The following ARB2A variants were observed in gnomAD, a reference collection of about 807,000 sequenced individuals.
ARB2A encodes the protein ARB2 cotranscriptional regulator A.
At chr5:93,693,883 C>T in the ARB2A span, among the ~76,000 whole-genome samples, 3 of 151,902 alleles carry the variant, frequency 2.0e-5, no homozygotes, top group African/African-American at 7.3e-5. Flanking sequence ...AAGGCTGGTT[C>T]AATAGACGCA....
At chr5:94,000,131 T>C in the ARB2A span, among the ~76,000 whole-genome samples, 8 of 152,128 alleles carry the variant, frequency 5.3e-5, no homozygotes, top group African/African-American at 1.9e-4. Flanking sequence ...TAAACATCCA[T>C]GTGCAGGTTT....
At chr5:93,680,387 T>A in the ARB2A span, among the ~76,000 whole-genome samples, 9 of 152,034 alleles carry the variant, frequency 5.9e-5, no homozygotes, top group Middle Eastern at 6.8e-3. Context: ...AGAAACAGAG[T>A]CTCAGAGAAC....
the ARB2A span, among the ~76,000 whole-genome samples, chr5:94,022,644 T>C: frequency 6.6e-6 from 1 of 152,250 alleles, no homozygotes; most frequent in Non-Finnish European, 1.5e-5. Context: ...TGTTCAGTTA[T>C]ACCTGTTATA....
chr5:93,813,276 G>C, the ARB2A span, among the ~76,000 whole-genome samples: 1 of 152,176 alleles, frequency 6.6e-6, no homozygotes, highest in South Asian at 2.1e-4. Flanking sequence ...CAAAGAACTT[G>C]GCTGAATTGT....
the ARB2A span, among the ~76,000 whole-genome samples, chr5:93,772,788 G>A: frequency 6.6e-6 from 1 of 152,128 alleles, no homozygotes; most frequent in East Asian, 1.9e-4. Flanking sequence ...CTTGCCATGT[G>A]GGCCTCTCCA....
At chr5:94,094,232 A>T in the ARB2A span, among the ~76,000 whole-genome samples, 2 of 152,340 alleles carry the variant, frequency 1.3e-5, no homozygotes, top group East Asian at 3.9e-4. Flanking sequence ...TAGAAGTCCT[A>T]CATCAAGGTC....
At chr5:93,788,589 C>T in the ARB2A span, among the ~76,000 whole-genome samples, 1 of 152,198 alleles carries the variant, frequency 6.6e-6, no homozygotes. Flanking sequence ...CCTTTTTGTG[C>T]TTAAAAACTG....
chr5:93,859,702 C>T, the ARB2A span, among the ~76,000 whole-genome samples: 134 of 152,082 alleles, frequency 8.8e-4, no homozygotes, highest in African/African-American at 3.1e-3. Flanking sequence ...CAATGAAAAA[C>T]GAAAACATAT....
chr5:93,834,332 G>A, the ARB2A span, among the ~76,000 whole-genome samples: 8 of 152,142 alleles, frequency 5.3e-5, no homozygotes, highest in Non-Finnish European at 1.0e-4. Flanking sequence ...TGACAAGCAC[G>A]ACAGTGACAC....
At chr5:94,081,143 C>A in the ARB2A span, among the ~76,000 whole-genome samples, 1 of 152,152 alleles carries the variant, frequency 6.6e-6, no homozygotes, top group Non-Finnish European at 1.5e-5. Flanking sequence ...ATACCTAATG[C>A]ACAATAACTA....
the ARB2A span, among the ~76,000 whole-genome samples, chr5:93,705,468 T>C: frequency 6.6e-6 from 1 of 152,106 alleles, no homozygotes; most frequent in Admixed American, 6.5e-5. Flanking sequence ...ATTTAAAACA[T>C]AGTTATTGAG....
the ARB2A span, among the ~76,000 whole-genome samples, chr5:93,650,782 A>C: frequency 6.6e-6 from 1 of 151,626 alleles, no homozygotes; most frequent in African/African-American, 2.4e-5. Flanking sequence ...TGAGCTCAGG[A>C]GTTCAAGTCC....
the ARB2A span, among the ~76,000 whole-genome samples, chr5:93,648,521 A>G: frequency 6.6e-6 from 1 of 152,230 alleles, no homozygotes; most frequent in Non-Finnish European, 1.5e-5. Flanking sequence ...TAGTAAAATT[A>G]AAATCAGTTA....
chr5:93,785,469 A>G, the ARB2A span, among the ~76,000 whole-genome samples: 1 of 152,282 alleles, frequency 6.6e-6, no homozygotes, highest in South Asian at 2.1e-4. Context: ...CAAAAATATA[A>G]TAGTGCACTT....
At chr5:93,741,630 C>G in the ARB2A span, 19 of 1,434,980 alleles carry the variant, frequency 1.3e-5, no homozygotes, top group African/African-American at 2.3e-4. Flanking sequence ...GAACAGCCAC[C>G]GGCCCCCTCA....
the ARB2A span, among the ~76,000 whole-genome samples, chr5:93,847,637 A>C: frequency 6.6e-6 from 1 of 152,204 alleles, no homozygotes; most frequent in African/African-American, 2.4e-5. Context: ...TATAGCAGCT[A>C]ACATTTATCA....
the ARB2A span, among the ~76,000 whole-genome samples, chr5:93,827,764 A>G: frequency 2.0e-5 from 3 of 151,400 alleles, no homozygotes; most frequent in Admixed American, 6.6e-5. Context: ...ATCTTGAATT[A>G]ATTTTTGTAT....
the ARB2A span, chr5:93,736,754 C>G: frequency 6.6e-6 from 1 of 152,072 alleles, no homozygotes; most frequent in African/African-American, 2.4e-5. Flanking sequence ...TGTCAAAAAC[C>G]CATACCCTCG....
At chr5:93,811,899 A>G in the ARB2A span, among the ~76,000 whole-genome samples, 2 of 152,178 alleles carry the variant, frequency 1.3e-5, no homozygotes, top group Non-Finnish European at 2.9e-5. Flanking sequence ...AGACACTACT[A>G]TGAATTTTTT....
Sources: gnomAD v4.1 joint callset for allele counts (sites outside exome capture counted in the v4.1 genomes callset) on GRCh38, gnomAD v4.1.1 for gene constraint, MANE v1.5 for transcripts, NCBI Gene and HGNC (gene_info 2026-07-23, HGNC 2026-07-21) for gene names.